LIFR: variants seen among roughly 807,000 people sequenced by gnomAD.
LIFR encodes LIF receptor subunit alpha.
Under a neutral mutation model 122.2 loss-of-function variants are expected in LIFR, and 84 were observed. The ratio of observed to expected loss-of-function variants is 0.69; its 90% CI spans 0.58 to 0.82. The LOEUF (loss-of-function observed/expected upper bound fraction) is 0.82, where lower values mean the gene tolerates loss of function less well. Among genes scored for constraint, LIFR ranks in the 40% least tolerant of loss-of-function variants. The pLI, the probability that LIFR is intolerant of heterozygous loss-of-function variation, is 0.00. For missense variants in LIFR, 1,294 were observed against 1,311.6 expected (o/e 0.99, Z 0.21); for synonymous variants, 422 against 434.7 (o/e 0.97, Z 0.36).
In LIFR at chr5:38,485,836, A is replaced by G. The variant is rs746744753; in HGVS notation, c.2480T>C (p.Val827Ala). The change falls in exon 17 of 20, where the codon GTG becomes GCG. Residue 827 changes from valine to alanine, a missense_variant. By Grantham distance (64) the Val-to-Ala change is moderately conservative. Transcript: ENST00000453190. ...GGVGPEKSMY[V>A]VTKENSVGLI... ...AAACTTACAATTTTCCTTTGTCACC[A>G]CATACATACTCTTCTCCGGGCCCAC... 2 of 1,614,078 alleles carry G rather than the reference A, an allele frequency of 1.2e-6. No individual in the cohort carries two copies. Among genetic ancestry groups the G allele is most frequent in the East Asian group, 4.5e-5 (2 of 44,872 alleles).
At chr5:38,530,993 T>C (rs1387031085) in intron 1 of LIFR, 2 of 219,990 alleles carry the variant, frequency 9.1e-6, no homozygotes, top group East Asian at 1.0e-4. Flanking sequence ...AGAAAAGCAG[T>C]GCATGAGACT....
chr5:38,566,495 C>G (rs1282883821), intron 1 of LIFR, among the ~76,000 whole-genome samples: 1 of 152,122 alleles, frequency 6.6e-6, no homozygotes, highest in African/African-American at 2.4e-5. Flanking sequence ...ATTAATATCT[C>G]TATACTCTTG....
rs970938114 is a variant in LIFR, at chr5:38,508,225, T to G, written c.992-1593A>C. ...AAATAATCAACTGAAGCTACTAGGT[T>G]AAAAGCTAGGTATACATCAACTACA... On this transcript the variant is annotated intron_variant, in intron 7 of 19. Coordinates refer to ENST00000453190, the MANE Select transcript of LIFR (RefSeq NM_001127671.2). 3.9e-5 allele frequency among the ~76,000 whole-genome samples: 6 copies of G among 152,178 alleles called. No homozygotes were observed. In the East Asian group the frequency reaches 1.2e-3, roughly 29 times the overall value.
chr5:38,557,271 G>A (rs1748636778), upstream of LIFR: 1 of 152,202 alleles, frequency 6.6e-6, no homozygotes, highest in African/African-American at 2.4e-5. Flanking sequence ...GAGGCGGGGT[G>A]GGCTTATTTG....
intron 1 of LIFR, among the ~76,000 whole-genome samples, chr5:38,569,656 C>T (rs147888882): frequency 1.3e-5 from 2 of 152,246 alleles, no homozygotes; most frequent in African/African-American, 4.8e-5. Context: ...TCCCTGGTGC[C>T]AGAAAGTTTG....
chr5:38,484,433 G>C (rs1490394817), intron 18 of LIFR, among the ~76,000 whole-genome samples: 1 of 152,164 alleles, frequency 6.6e-6, no homozygotes, highest in Non-Finnish European at 1.5e-5. Context: ...TTTCTAAATA[G>C]GTCACCAGGG....
intron 7 of LIFR, among the ~76,000 whole-genome samples, chr5:38,509,068 C>T (rs755038405): frequency 5.9e-5 from 9 of 152,136 alleles, no homozygotes; most frequent in East Asian, 1.9e-4. Flanking sequence ...AACCTCCAAA[C>T]GTTATAAATG....
At chr5:38,536,284 C>G (rs1747292112) in intron 1 of LIFR, among the ~76,000 whole-genome samples, 1 of 152,004 alleles carries the variant, frequency 6.6e-6, no homozygotes, top group East Asian at 1.9e-4. Context: ...ACAGATTCAA[C>G]CAACCTTGGA....
chr5:38,554,566 C>T (rs772700600), intron 1 of LIFR, among the ~76,000 whole-genome samples: 6 of 152,150 alleles, frequency 3.9e-5, no homozygotes, highest in Admixed American at 6.5e-5. Context: ...CTCTTAGATA[C>T]CAATGGAGAC....
rs1744713172 is a variant in LIFR at position 38,493,588 on chromosome 5, G to A, written c.2065+18C>T. The stretch of plus-strand genomic sequence containing the variant: ...AATATTTTGTAGAACTTAATTGAGA[G>A]ACACTAATTCATCTTACCAGATTCT... On this transcript the variant is annotated intron_variant, in intron 14 of 19. Transcript: ENST00000453190. 2 of 1,607,760 alleles carry A rather than the reference G, an allele frequency of 1.2e-6. No homozygotes were observed. Among genetic ancestry groups the A allele is most frequent in the South Asian group, 2.2e-5 (2 of 90,952 alleles).
chr5:38,564,728 CACACACT>C (rs1748952089), intron 1 of LIFR, among the ~76,000 whole-genome samples: 2 of 120,942 alleles, frequency 1.7e-5, no homozygotes, highest in Non-Finnish European at 3.5e-5. Flanking sequence ...TATATATACA[CACACACT>C]ACACACACAC....
upstream of LIFR, among the ~76,000 whole-genome samples, chr5:38,597,791 G>GGGC (rs1750136131): frequency 2.0e-5 from 3 of 152,162 alleles, no homozygotes; most frequent in Admixed American, 2.0e-4. Context: ...GGGAGGGAAG[G>GGGC]GGCAAGTATT....
chr5:38,580,715 T>C (rs971743096), intron 1 of LIFR, among the ~76,000 whole-genome samples: 1 of 152,154 alleles, frequency 6.6e-6, no homozygotes, highest in Non-Finnish European at 1.5e-5. Context: ...GCTCTTTTTT[T>C]CCCTCGTTCC....
At chr5:38,482,312 C>A in intron 19 of LIFR, 94 bp from the exon 20 acceptor site, 1 of 1,231,926 alleles carries the variant, frequency 8.1e-7, no homozygotes. Flanking sequence ...CCCCAATCTG[C>A]TTGTAAACAG....
chr5:38,536,105 T>C (rs1452993742), intron 1 of LIFR, among the ~76,000 whole-genome samples: 2 of 152,178 alleles, frequency 1.3e-5, no homozygotes, highest in Non-Finnish European at 2.9e-5. Flanking sequence ...AAAACACAAG[T>C]ACTACCCAAA....
chr5:38,565,507 G>A (rs1223832649), intron 1 of LIFR, among the ~76,000 whole-genome samples: 3 of 151,868 alleles, frequency 2.0e-5, no homozygotes, highest in Admixed American at 2.0e-4. Flanking sequence ...GCCTTCATAT[G>A]TCCACAAAAC....
At chr5:38,587,377 A>G (rs1749784826) in intron 1 of LIFR, among the ~76,000 whole-genome samples, 1 of 152,092 alleles carries the variant, frequency 6.6e-6, no homozygotes, top group Non-Finnish European at 1.5e-5. Context: ...GGGAGGCGTT[A>G]CTGGTGCTGG....
chr5:38,551,769 C>G (rs1748215958), intron 1 of LIFR, among the ~76,000 whole-genome samples: 1 of 152,180 alleles, frequency 6.6e-6, no homozygotes, highest in East Asian at 1.9e-4. Context: ...AATCCACCTA[C>G]CAGAAGTTTT....
chr5:38,484,143 C>T (rs1193574876), intron 18 of LIFR, among the ~76,000 whole-genome samples: 1 of 152,202 alleles, frequency 6.6e-6, no homozygotes, highest in Non-Finnish European at 1.5e-5. Context: ...GGAACTGTAC[C>T]GCAGACCAGC....
Sources: allele counts gnomAD v4.1 joint callset (sites outside exome capture counted in the v4.1 genomes callset), GRCh38; gene constraint gnomAD v4.1.1; transcripts MANE v1.5; gene names NCBI Gene and HGNC (gene_info 2026-07-23, HGNC 2026-07-21).